MYO7A: variants seen among roughly 807,000 people sequenced by gnomAD.
MYO7A encodes the protein myosin VIIA, also known as unconventional myosin-VIIa.
In MYO7A, 210 loss-of-function variants were observed where a neutral mutation model predicts 263.8. The observed-to-expected ratio is 0.80, with a 90% CI of 0.71 to 0.89. The LOEUF (loss-of-function observed/expected upper bound fraction) is 0.89. Among genes scored for constraint, MYO7A ranks in the 40% least tolerant of loss-of-function variants. The pLI is 0.00. For missense variants in MYO7A, 2,820 were observed against 2,968.3 expected, an observed-to-expected ratio of 0.95 and a Z score of 1.16; for synonymous variants, 1,239 against 1,197.3, an observed-to-expected ratio of 1.03 and a Z score of -0.72.
chr11:77,160,236 C>G lies in MYO7A; in HGVS notation c.1154C>G (p.Pro385Arg). The change falls in exon 11 of 49, where the codon CCA becomes CGA. Residue 385 changes from proline to arginine, a missense_variant. Pro to Arg is a moderately radical substitution (Grantham distance 103). Coordinates refer to ENST00000409709, the MANE Select transcript of MYO7A (RefSeq NM_000260.4). ...ACCCGCGGGGAGACGGTGTCCACCC[C>G]ACTGAGCAGGGAACAGGCACTGGAC... ...LITRGETVST[P>R]LSREQALDVR... The G allele has an allele frequency of 6.3e-7, 1 of 1,580,952 alleles. No individual in the cohort carries two copies. Among genetic ancestry groups the G allele is most frequent in the Non-Finnish European group, 8.6e-7 (1 of 1,164,050 alleles).
Position 77,192,959 on chromosome 11 carries a change from TTGGTGATGGTGGAGGTAG to T in MYO7A, c.4152+683_4152+700del, listed in dbSNP as rs1565442512. On this transcript the variant is annotated intron_variant, in intron 31 of 48. Transcript: ENST00000409709. ...TGTGATGGTGGAGGTAGTGATGGTG[TTGGTGATGGTGGAGGTAG>T]TTGTGATGGTGGAGGTAGTGATGCT... is the stretch of plus-strand genomic sequence containing the variant. Among the ~76,000 whole-genome samples the T allele has an allele frequency of 9.3e-4, 48 of 51,820 alleles. 2 individuals carry two copies. The highest frequency in any genetic ancestry group is 3.6e-3 in the Admixed American group (16 of 4,476). The allele number at this position is 51,820 out of a possible 152,430, so 34.0% of individuals were successfully genotyped here. A position where few individuals can be genotyped will look rare whatever the true frequency, so the allele number is the denominator to read the frequency against.
In MYO7A at chr11:77,206,122, C is replaced by T. The variant is rs2135739124; in HGVS notation, c.5662C>T (p.His1888Tyr). 4 of 1,613,216 alleles carry T rather than the reference C, an allele frequency of 2.5e-6. No individual in the cohort carries two copies. The highest frequency in any genetic ancestry group is 1.1e-5 in the South Asian group (1 of 90,866). ...AAACGGGTCCCGGAAGTACCCTCCG[C>T]ACCTGGTGGAGGTGGAGGCCATCCA... ...LRNGSRKYPP[H>Y]LVEVEAIQHK... Residue 1888 changes from histidine (H) to tyrosine (Y), a missense_variant, in exon 41 of 49, where the codon CAC becomes TAC. Coordinates refer to ENST00000409709, the MANE Select transcript of MYO7A (RefSeq NM_000260.4).
intron 2 of MYO7A, among the ~76,000 whole-genome samples, chr11:77,141,813 G>T (rs1311206975): frequency 3.3e-5 from 5 of 152,200 alleles, no homozygotes; most frequent in Admixed American, 3.3e-4. Flanking sequence ...GTCTAGGTTG[G>T]TTGGCTCTGT....
Position 77,156,738 on chromosome 11 carries a change from G to C in MYO7A, c.549G>C (p.Ser183=), listed in dbSNP as rs188198404. ...TGGCAGCCATCAGTGGGCAGCACTC[G>C]TGGATTGAGCAGCAGGTCTTGGAGG... ...QFLAAISGQH[S]WIEQQVLEAT... The change falls in exon 6 of 49, where the codon TCG becomes TCC. Residue 183 remains serine, a synonymous_variant. Transcript: ENST00000409709. 19 of 1,614,020 alleles carry C rather than the reference G, an allele frequency of 1.2e-5. No homozygotes were observed. In the Admixed American group the frequency reaches 3.0e-4, roughly 25 times the overall value.
At chr11:77,206,002 G>A in intron 40 of MYO7A, 95 bp from the exon 41 acceptor site, 2 of 944,064 alleles carry the variant, frequency 2.1e-6, no homozygotes, top group East Asian at 5.3e-5. Context: ...GGCAGGCGGG[G>A]ATCAGAACTG....
chr11:77,213,476 G>A (rs568896298), intron 47 of MYO7A, among the ~76,000 whole-genome samples: 5 of 152,262 alleles, frequency 3.3e-5, no homozygotes, highest in African/African-American at 1.2e-4. Context: ...GCTGTCCTCT[G>A]TGTCTTGGTC....
In MYO7A at chr11:77,191,988, G is replaced by A. The variant is rs73495787; in HGVS notation, c.3925-63G>A. On this transcript the variant is annotated intron_variant, in intron 30 of 48. Coordinates refer to ENST00000409709, the MANE Select transcript of MYO7A (RefSeq NM_000260.4). The stretch of plus-strand genomic sequence containing the variant: ...TCTGTCTGAACTGACCGTTGGCCCC[G>A]TTGAGGCTCCTCATAGTCCTTCCCT... 0.02 allele frequency: 29,229 copies of A among 1,460,430 alleles called. 1,826 individuals are homozygous for A. In the African/African-American group the frequency reaches 0.21, roughly 11 times the overall value. 90.5% of individuals were successfully genotyped at this position (1,460,430 alleles called of 1,614,324 possible). A position where few individuals can be genotyped will look rare whatever the true frequency, so the allele number is the denominator to read the frequency against.
rs1591278378 is a variant in MYO7A, at chr11:77,158,409, C to T, written c.982C>T (p.Leu328=). The change falls in exon 9 of 49, where the codon CTG becomes TTG. Residue 328 remains leucine (L), a synonymous_variant. Coordinates refer to ENST00000409709, the MANE Select transcript of MYO7A (RefSeq NM_000260.4). ...GAAGCTCCTGGCTGCCATCCTGCAC[C>T]TGGGCAACCTGCAGTATGAGGGTGA... is the stretch of plus-strand genomic sequence containing the variant. ...ISKLLAAILH[L]GNLQYEARTF... is the part of the protein sequence containing the mutation. The T allele has an allele frequency of 5.6e-6, 9 of 1,612,422 alleles. No individual in the cohort carries two copies. Among genetic ancestry groups the T allele is most frequent in the Non-Finnish European group, 7.6e-6 (9 of 1,179,718 alleles).
chr11:77,182,984 G>A (rs781783363), intron 25 of MYO7A, 84 bp from the exon 26 acceptor site: 69 of 1,185,416 alleles, frequency 5.8e-5, no homozygotes, highest in Middle Eastern at 2.2e-4. Context: ...GAAGCGAGAC[G>A]GTTCCCCGCA....
intron 27 of MYO7A, among the ~76,000 whole-genome samples, chr11:77,188,443 G>T (rs1209461597): frequency 1.3e-5 from 2 of 152,156 alleles, no homozygotes; most frequent in African/African-American, 4.8e-5. Context: ...AATTTTCTTT[G>T]AAATTATAAA....
chr11:77,199,901 A>G, intron 35 of MYO7A, 83 bp downstream of exon 35: 2 of 1,294,414 alleles, frequency 1.5e-6, no homozygotes, highest in African/African-American at 3.0e-5. Flanking sequence ...TGTTGCTATA[A>G]TGGAACACTG....
chr11:77,184,923 A>G lies in MYO7A; in HGVS notation c.3503+208A>G, dbSNP rs148165092. On this transcript the variant is annotated intron_variant, in intron 27 of 48. Transcript: ENST00000409709. ...GTAAAGGGGGAATCCTAAAACAGGC[A>G]TCCCTTGGAGATATTGCAGGTTCAG... 3.5e-5 allele frequency: 30 copies of G among 850,614 alleles called. No individual in the cohort carries two copies. The African/African-American group carries it at 5.0e-4, about 14-fold the overall frequency. The allele number at this position is 850,614 out of a possible 1,614,324, so 52.7% of individuals were successfully genotyped here.
intron 3 of MYO7A, among the ~76,000 whole-genome samples, chr11:77,145,048 C>T (rs1221433884): frequency 6.6e-6 from 1 of 152,190 alleles, no homozygotes; most frequent in Non-Finnish European, 1.5e-5. Context: ...CTGCAGGGTG[C>T]TGGCCTCTGT....
At position 77,157,394 on chromosome 11, in the gene MYO7A, T is replaced by C. The variant is rs2135245850; in HGVS notation, c.849+2T>C. On this transcript the variant is annotated splice_donor_variant, in intron 8 of 48. Transcript: ENST00000409709. LOFTEE classifies it high-confidence loss of function. ...TCTGACTACAACTACTTGGCCATGG[T>C]GAGGCCCAGGTGGGCCCCTGGGTAG... is the stretch of plus-strand genomic sequence containing the variant. 1 of 1,598,910 alleles carries C rather than the reference T, an allele frequency of 6.3e-7. No individual in the cohort carries two copies. Among genetic ancestry groups the C allele is most frequent in the Non-Finnish European group, 8.5e-7 (1 of 1,172,258 alleles).
At chr11:77,134,781 CTTTTTT>C (rs34558738) in intron 2 of MYO7A, among the ~76,000 whole-genome samples, 2 of 124,566 alleles carry the variant, frequency 1.6e-5, no homozygotes, top group Non-Finnish European at 3.4e-5. Flanking sequence ...TACCACTTAA[CTTTTTT>C]TTTTTTTTTT....
At chr11:77,137,608 C>G (rs1950955483) in intron 2 of MYO7A, among the ~76,000 whole-genome samples, 1 of 152,172 alleles carries the variant, frequency 6.6e-6, no homozygotes, top group Non-Finnish European at 1.5e-5. Flanking sequence ...CCAGCGTGGA[C>G]CGACGCCTGG....
At chr11:77,188,063 A>G (rs1226364559) in intron 27 of MYO7A, among the ~76,000 whole-genome samples, 1 of 152,162 alleles carries the variant, frequency 6.6e-6, no homozygotes, top group Non-Finnish European at 1.5e-5. Context: ...TAAAGCTGAC[A>G]CTTCTAGGAA....
chr11:77,129,499 C>T (rs1463913824), intron 1 of MYO7A, among the ~76,000 whole-genome samples: 2 of 152,146 alleles, frequency 1.3e-5, no homozygotes, highest in Admixed American at 6.5e-5. Context: ...GCTGGGGCTG[C>T]CTTTTAAGCT....
chr11:77,155,948 G>A lies in MYO7A; in HGVS notation c.327G>A (p.Gln109=). The change falls in exon 5 of 49, where the codon CAG becomes CAA. Residue 109 remains glutamine, a synonymous_variant. Transcript: ENST00000409709. ...GSILVAVNPY[Q]LLSIYSPEHI... ...TCCTGGTGGCTGTGAACCCCTACCA[G>A]CTGCTCTCCATCTACTCGCCAGAGC... 1 of 1,611,776 alleles carries A rather than the reference G, an allele frequency of 6.2e-7. No individual in the cohort carries two copies. Among genetic ancestry groups the A allele is most frequent in the Non-Finnish European group, 8.5e-7 (1 of 1,178,852 alleles).
Sources: gnomAD v4.1 joint callset for allele counts (sites outside exome capture counted in the v4.1 genomes callset) on GRCh38, gnomAD v4.1.1 for gene constraint, MANE v1.5 for transcripts, NCBI Gene and HGNC (gene_info 2026-07-23, HGNC 2026-07-21) for gene names.